Variants in MAN2A1 observed in about 807,000 individuals in gnomAD.
MAN2A1 encodes alpha-mannosidase 2.
A neutral mutation model predicts 142.6 loss-of-function variants in MAN2A1; 76 were observed. That is an observed-to-expected ratio of 0.53 (90% CI 0.44 to 0.65). The LOEUF is 0.65. Among genes scored for constraint, MAN2A1 ranks in the 30% least tolerant of loss-of-function variants. The probability of loss-of-function intolerance (pLI) is 0.00; values close to 1 mark genes in which losing one functional copy is unlikely to be tolerated. For missense variants in MAN2A1, 1,311 were observed against 1,365.1 expected (o/e 0.96, Z 0.62); for synonymous variants, 559 against 473.2 (o/e 1.18, Z -2.35).
chr5:109,843,916 T>C (rs1580310512), intron 17 of MAN2A1, among the ~76,000 whole-genome samples: 1 of 152,246 alleles, frequency 6.6e-6, no homozygotes, highest in East Asian at 1.9e-4. Flanking sequence ...ATAAACACTT[T>C]GATTTTCAAC....
chr5:109,691,029 T>C (rs1750656928), intron 1 of MAN2A1, among the ~76,000 whole-genome samples: 2 of 152,270 alleles, frequency 1.3e-5, no homozygotes, highest in South Asian at 4.1e-4. Context: ...TTTCTTTTTC[T>C]TCCCCGCTGC....
chr5:109,867,073 C>T lies in MAN2A1; in HGVS notation c.*75C>T. 1 of 1,147,856 alleles carries T rather than the reference C, an allele frequency of 8.7e-7. No individual in the cohort carries two copies. Among genetic ancestry groups the T allele is most frequent in the Non-Finnish European group, 1.2e-6 (1 of 846,596 alleles). 71.1% of individuals were successfully genotyped at this position (1,147,856 alleles called of 1,614,324 possible). On this transcript the variant is annotated 3_prime_UTR_variant, in exon 22 of 22. Transcript: ENST00000261483. The stretch of plus-strand genomic sequence containing the variant: ...TGGTTTGACGTGCAATAAAGAAGCA[C>T]ATTATTTTAGCTTCTGGCTACTGTG...
chr5:109,809,943 T>C (rs1580275186), intron 12 of MAN2A1, among the ~76,000 whole-genome samples: 1 of 152,234 alleles, frequency 6.6e-6, no homozygotes, highest in East Asian at 1.9e-4. Flanking sequence ...TCCATTTGTA[T>C]GTTTTTTATT....
At chr5:109,840,404 C>G in intron 16 of MAN2A1, 1 of 390,746 alleles carries the variant, frequency 2.6e-6, no homozygotes, top group South Asian at 2.3e-5. Flanking sequence ...GGTAATGATT[C>G]CTCCTACAGG....
intron 12 of MAN2A1, among the ~76,000 whole-genome samples, chr5:109,797,689 G>A (rs1432200001): frequency 6.6e-6 from 1 of 152,088 alleles, no homozygotes; most frequent in Admixed American, 6.6e-5. Flanking sequence ...TCCCTTTATA[G>A]ATGAAGAGGG....
rs1755924332 is a variant in MAN2A1, at chr5:109,867,853, C to T, written c.*855C>T. 1 of 151,688 alleles carries T rather than the reference C, an allele frequency of 6.6e-6. No homozygotes were observed. Among genetic ancestry groups the T allele is most frequent in the South Asian group, 2.1e-4 (1 of 4,796 alleles). 9.4% of individuals were successfully genotyped at this position (151,688 alleles called of 1,614,324 possible). On this transcript the variant is annotated 3_prime_UTR_variant, in exon 22 of 22. Transcript: ENST00000261483. ...AAATGTGCCTTATTTTTTTATAAGT[C>T]TTGTTAAATCAGTGTCCATATTACT...
At chr5:109,757,657 C>A (rs904888666) in intron 5 of MAN2A1, among the ~76,000 whole-genome samples, 3 of 152,030 alleles carry the variant, frequency 2.0e-5, no homozygotes, top group Non-Finnish European at 4.4e-5. Context: ...TTTCAACATC[C>A]CCCAAAGAAA....
intron 3 of MAN2A1, among the ~76,000 whole-genome samples, chr5:109,718,151 A>C (rs1751506603): frequency 6.6e-6 from 1 of 152,182 alleles, no homozygotes. Flanking sequence ...CTTGTTACTT[A>C]ATTGGGAGAG....
chr5:109,819,738 A>G lies in MAN2A1; in HGVS notation c.2179A>G (p.Asn727Asp). 6.2e-7 allele frequency: 1 copy of G among 1,612,586 alleles called. No individual in the cohort carries two copies. Among genetic ancestry groups the G allele is most frequent in the Non-Finnish European group, 8.5e-7 (1 of 1,179,192 alleles). ...TAAGATTTTGGAATCAGCAAGTTCA[A>G]ATTCACATTTAGCTGATTATGTCTT... is the stretch of plus-strand genomic sequence containing the variant. Reference protein sequence around the residue: ...VYKILESASSNSHLADYVLYK... With the variant: ...VYKILESASSDSHLADYVLYK... The change falls in exon 14 of 22, where the codon AAT (asparagine) becomes GAT (aspartate). Residue 727 changes from asparagine to aspartate, a missense_variant. Asn to Asp is a conservative substitution (Grantham distance 23). Around this residue, in one of 3 missense-constraint regions of MAN2A1, gnomAD observed 890 missense variants for 920.5 expected, o/e 0.97. Transcript: ENST00000261483.
intron 12 of MAN2A1, among the ~76,000 whole-genome samples, chr5:109,797,645 T>C (rs1378127780): frequency 3.9e-5 from 6 of 152,112 alleles, no homozygotes; most frequent in African/African-American, 9.6e-5. Flanking sequence ...ATCAAAGATA[T>C]AATTGATGAA....
chr5:109,819,842 G>T lies in MAN2A1; in HGVS notation c.2283G>T (p.Glu761Asp), dbSNP rs1302808034. The T allele has an allele frequency of 1.9e-6, 3 of 1,607,500 alleles. No homozygotes were observed. The highest frequency in any genetic ancestry group is 1.3e-5 in the African/African-American group (1 of 74,592). ...ATACTGAAGAAGGTATAACACTAGA[G>T]AACTCCTTTGTTTTACTTCGGTTTG... ...MINTEEGITL[E>D]NSFVLLRFDQ... The change falls in exon 14 of 22, where the codon GAG becomes GAT. Residue 761 changes from glutamate to aspartate, a missense_variant. By Grantham distance (45) the Glu-to-Asp change is conservative (BLOSUM62 2). Around this residue, in one of 3 missense-constraint regions of MAN2A1, gnomAD observed 890 missense variants for 920.5 expected, o/e 0.97. Coordinates refer to ENST00000261483, the MANE Select transcript of MAN2A1 (RefSeq NM_002372.4).
Position 109,729,513 on chromosome 5 carries a change from G to T in MAN2A1, c.707G>T (p.Ser236Ile), listed in dbSNP as rs775703810. 4 of 1,475,838 alleles carry T rather than the reference G, an allele frequency of 2.7e-6. No homozygotes were observed. Among genetic ancestry groups the T allele is most frequent in the Non-Finnish European group, 3.6e-6 (4 of 1,108,994 alleles). The allele number at this position is 1,475,838 out of a possible 1,614,324, so 91.4% of individuals were successfully genotyped here. A position where few individuals can be genotyped will look rare whatever the true frequency, so the allele number is the denominator to read the frequency against. The change falls in exon 4 of 22, where the codon AGT becomes ATT. Residue 236 changes from serine to isoleucine, a missense_variant and splice_region_variant. Ser to Ile is a moderately radical substitution (Grantham distance 142, BLOSUM62 -2). This residue lies in a region of MAN2A1 where 409 missense variants were observed against 412.7 expected (regional missense o/e 0.99). Coordinates refer to ENST00000261483, the MANE Select transcript of MAN2A1 (RefSeq NM_002372.4). Reference sequence around the variant, plus strand: ...ATTCAGAAGAAGGATGCTGTTAAAAGGTTTGTTTTAAAACTTTTTTGGAAT... The same window carrying T: ...ATTCAGAAGAAGGATGCTGTTAAAATGTTTGTTTTAAAACTTTTTTGGAAT... ...IDIQKKDAVK[S>I]LIENGQLEIV...
intron 1 of MAN2A1, among the ~76,000 whole-genome samples, chr5:109,709,679 C>G (rs1308777688): frequency 2.0e-5 from 3 of 152,150 alleles, no homozygotes; most frequent in African/African-American, 7.2e-5. Context: ...TAAATTTGTT[C>G]TCTCAAAGGT....
chr5:109,803,360 A>G (rs1580268412), intron 12 of MAN2A1, among the ~76,000 whole-genome samples: 3 of 152,094 alleles, frequency 2.0e-5, no homozygotes, highest in African/African-American at 7.2e-5. Flanking sequence ...TTTTAAGTCA[A>G]ACTTTCTTAA....
chr5:109,770,845 T>C (rs1269356936), intron 7 of MAN2A1, among the ~76,000 whole-genome samples: 1 of 152,194 alleles, frequency 6.6e-6, no homozygotes, highest in Non-Finnish European at 1.5e-5. Context: ...ATTGATTTCA[T>C]ATACTTTTGT....
At chr5:109,779,790 A>G (rs1402745571) in intron 8 of MAN2A1, among the ~76,000 whole-genome samples, 1 of 152,186 alleles carries the variant, frequency 6.6e-6, no homozygotes, top group Admixed American at 6.5e-5. Context: ...AACTTGCCCA[A>G]GATCACTCTC....
intron 8 of MAN2A1, among the ~76,000 whole-genome samples, chr5:109,777,949 C>T (rs571430930): frequency 3.3e-5 from 5 of 152,144 alleles, no homozygotes; most frequent in African/African-American, 1.2e-4. Context: ...TAATTATTAA[C>T]ACTACAGTTT....
intron 16 of MAN2A1, among the ~76,000 whole-genome samples, chr5:109,832,392 C>A (rs934463648): frequency 4.0e-5 from 6 of 151,558 alleles, no homozygotes; most frequent in African/African-American, 1.5e-4. Context: ...GAGCATGCTG[C>A]CTTCAAGCAT....
chr5:109,692,554 C>T (rs1041282288), intron 1 of MAN2A1, among the ~76,000 whole-genome samples: 1 of 152,020 alleles, frequency 6.6e-6, no homozygotes, highest in African/African-American at 2.4e-5. Flanking sequence ...CACTGAGGCA[C>T]GGAGAGATTA....
Sources: gnomAD v4.1 joint callset for allele counts (sites outside exome capture counted in the v4.1 genomes callset) on GRCh38, gnomAD v4.1.1 for gene constraint, gnomAD v4.1.1 regional missense constraint, MANE v1.5 for transcripts, NCBI Gene and HGNC (gene_info 2026-07-23, HGNC 2026-07-21) for gene names.